Variants in KCNQ2 observed in about 807,000 individuals in gnomAD.
The protein encoded by KCNQ2 is potassium voltage-gated channel subfamily KQT member 2.
A neutral mutation model predicts 84.8 loss-of-function variants in KCNQ2; 14 were observed. That is an observed-to-expected ratio of 0.17 (90% CI 0.11 to 0.26). KCNQ2 has a LOEUF of 0.26. KCNQ2 is among the 10% of genes least tolerant of loss of function. The pLI is 1.00. For synonymous variants in KCNQ2, 599 were observed against 554.1 expected, an observed-to-expected ratio of 1.08 and a Z score of -1.14; for missense variants, 788 against 1,254.0, an observed-to-expected ratio of 0.63 and a Z score of 5.61.
chr20:63,449,564 T>G (rs2145805893), intron 1 of KCNQ2, among the ~76,000 whole-genome samples: 1 of 152,304 alleles, frequency 6.6e-6, no homozygotes, highest in African/African-American at 2.4e-5. Flanking sequence ...AGGTCAGCAT[T>G]GGCTGTGGTG....
rs79557487 is a variant in KCNQ2, at chr20:63,460,732, C to G, written c.296+11436G>C. On this transcript the variant is annotated intron_variant, in intron 1 of 16. Coordinates refer to ENST00000359125, the MANE Select transcript of KCNQ2 (RefSeq NM_172107.4). The surrounding 1 kb of genome is among the most constrained non-coding windows in gnomAD (Gnocchi z 5.4). ...CATCACCTAATCACATTCAGGCAGA[C>G]CCGGGGCCTGCAGGACAGCCCTGGA... is the stretch of plus-strand genomic sequence containing the variant. Among the ~76,000 whole-genome samples the G allele has an allele frequency of 0.038, 5,861 of 152,324 alleles. 383 individuals are homozygous for G. Among genetic ancestry groups the G allele is most frequent in the African/African-American group, 0.13 (5,443 of 41,548 alleles).
Position 63,403,639 on chromosome 20 carries a change from T to A in KCNQ2, c.*3005A>T, listed in dbSNP as rs994063988. The A allele has an allele frequency of 6.6e-6, 1 of 152,354 alleles. No homozygotes were observed. 9.4% of individuals were successfully genotyped at this position (152,354 alleles called of 1,614,324 possible). ...GTGTATGCCTGTATGCAGGCATGTG[T>A]ATGCACGTATGTGTACTGTGCATGG... is the stretch of plus-strand genomic sequence containing the variant. On this transcript the variant is annotated 3_prime_UTR_variant, in exon 17 of 17. Transcript: ENST00000359125.
At position 63,408,570 on chromosome 20, in the gene KCNQ2, G is replaced by C. The variant is rs777546017; in HGVS notation, c.1764-34C>G. On this transcript the variant is annotated intron_variant, in intron 15 of 16. Coordinates refer to ENST00000359125, the MANE Select transcript of KCNQ2 (RefSeq NM_172107.4). The surrounding 1 kb of genome is among the most constrained non-coding windows in gnomAD (Gnocchi z 5.0). ...AACAGAGACCCCAAAGCATGAGTTC[G>C]GGTGGGTGCAGCAGGGCCCCTGCCC... 3 of 1,606,684 alleles carry C rather than the reference G, an allele frequency of 1.9e-6. No homozygotes were observed. Among genetic ancestry groups the C allele is most frequent in the Non-Finnish European group, 2.5e-6 (3 of 1,178,068 alleles).
At chr20:63,442,161 G>C (rs1568931755) in intron 5 of KCNQ2, among the ~76,000 whole-genome samples, 2 of 152,166 alleles carry the variant, frequency 1.3e-5, no homozygotes, top group African/African-American at 4.8e-5. Context: ...GCTGAGCTCA[G>C]GAGGAAGGAA....
intron 15 of KCNQ2, chr20:63,410,975 G>A (rs1176422386): frequency 1.1e-5 from 5 of 455,854 alleles, no homozygotes; most frequent in Non-Finnish European, 1.8e-5. Flanking sequence ...GTCCCTGGGA[G>A]GCAAGAAGGC....
intron 9 of KCNQ2, among the ~76,000 whole-genome samples, chr20:63,429,952 A>C (rs1600719085): frequency 6.6e-6 from 1 of 152,196 alleles, no homozygotes; most frequent in Non-Finnish European, 1.5e-5. Context: ...TCCGCTGTCC[A>C]AGTCGGGATG....
At chr20:63,413,172 T>TAC (rs150283013) in intron 15 of KCNQ2, 118 of 493,530 alleles carry the variant, frequency 2.4e-4, no homozygotes, top group African/African-American at 5.1e-4. Context: ...ATGCGTGACT[T>TAC]ACACACACAC....
rs1049810851 is a variant in KCNQ2 at position 63,419,682 on chromosome 20, A to G, written c.1248-10T>C. 6.2e-7 allele frequency: 1 copy of G among 1,608,300 alleles called. No individual in the cohort carries two copies. The highest frequency in any genetic ancestry group is 1.3e-5 in the African/African-American group (1 of 74,908). On this transcript the variant is annotated splice_polypyrimidine_tract_variant and intron_variant, in intron 11 of 16. Coordinates refer to ENST00000359125, the MANE Select transcript of KCNQ2 (RefSeq NM_172107.4). ...GCACGGGCTGCCTTTACTGGAAATG[A>G]GGAGAGCACAGTTAGTCCTGGGCGC...
At chr20:63,437,707 C>T (rs528091429) in intron 7 of KCNQ2, among the ~76,000 whole-genome samples, 4 of 152,372 alleles carry the variant, frequency 2.6e-5, no homozygotes, top group Admixed American at 6.5e-5. Context: ...AGCCACATTC[C>T]GCTGGCAGGG....
intron 14 of KCNQ2, among the ~76,000 whole-genome samples, 160 bp from the exon 15 acceptor site, chr20:63,413,741 G>A (rs2080198021): frequency 6.8e-6 from 1 of 147,290 alleles, no homozygotes; most frequent in Non-Finnish European, 1.5e-5. Context: ...GGGCCTTTAT[G>A]TGGCCCTGCT....
intron 12 of KCNQ2, among the ~76,000 whole-genome samples, chr20:63,418,786 G>A (rs1008734594): frequency 6.6e-6 from 1 of 152,238 alleles, no homozygotes; most frequent in Non-Finnish European, 1.5e-5. Flanking sequence ...AAAGTCACAG[G>A]GAGAGGGTGG....
At chr20:63,458,134 G>T (rs532600428) in intron 1 of KCNQ2, among the ~76,000 whole-genome samples, 1 of 151,954 alleles carries the variant, frequency 6.6e-6, no homozygotes, top group South Asian at 2.1e-4. Context: ...CCTGGCCTGG[G>T]GTCCCCTGGA....
At chr20:63,455,287 G>A (rs759554882) in intron 1 of KCNQ2, among the ~76,000 whole-genome samples, 4 of 152,198 alleles carry the variant, frequency 2.6e-5, no homozygotes, top group Non-Finnish European at 4.4e-5. Flanking sequence ...AGGAGATAAG[G>A]CAAGTAGCTG....
At chr20:63,447,849 G>T (rs897194273) in intron 1 of KCNQ2, among the ~76,000 whole-genome samples, 1 of 152,076 alleles carries the variant, frequency 6.6e-6, no homozygotes, top group Admixed American at 6.6e-5. Context: ...CTCCCGCCTC[G>T]GCCCCCCAAA....
At position 63,442,686 on chromosome 20, in the gene KCNQ2, T is replaced by TCAC. The variant is rs1568933748; in HGVS notation, c.691-158_691-156dup. ...ATCACCACCACCACCACCACCACCA[T>TCAC]CACCATCACCACCATCACCATCACC... is the stretch of plus-strand genomic sequence containing the variant. On this transcript the variant is annotated intron_variant, in intron 4 of 16. Transcript: ENST00000359125. Among the ~76,000 whole-genome samples, 58 of 17,124 alleles carry TCAC rather than the reference T, an allele frequency of 3.4e-3. 1 individual carries two copies. Among genetic ancestry groups the TCAC allele is most frequent in the Admixed American group, 4.8e-3 (9 of 1,864 alleles). 11.2% of individuals were successfully genotyped at this position (17,124 alleles called of 152,430 possible).
rs2079951956 is a variant in KCNQ2 at position 63,406,836 on chromosome 20, C to T, written c.2427G>A (p.Gln809=). The part of the protein sequence containing the change: ...ERSFSGFSIS[Q]SKENLDALNS... The stretch of plus-strand genomic sequence containing the variant: ...TGAGAGCATCCAGGTTCTCCTTGGA[C>T]TGGGAGATGCTGAAGCCGCTGAAGG... Residue 809 remains glutamine (Q), a synonymous_variant, in exon 17 of 17, where the codon CAG becomes CAA. Transcript: ENST00000359125. The T allele has an allele frequency of 6.2e-7, 1 of 1,612,444 alleles. No individual in the cohort carries two copies. The highest frequency in any genetic ancestry group is 1.1e-5 in the South Asian group (1 of 91,012).
Position 63,407,089 on chromosome 20 carries a change from CGCGGGTGGCTCTGTG to C in KCNQ2, c.2159_2173del (p.Pro720_Pro724del), listed in dbSNP as rs1568860821. 3 of 1,533,396 alleles carry C rather than the reference CGCGGGTGGCTCTGTG, an allele frequency of 2.0e-6. No homozygotes were observed. The highest frequency in any genetic ancestry group is 4.9e-5 in the East Asian group (2 of 40,880). The allele number at this position is 1,533,396 out of a possible 1,614,324, so 95.0% of individuals were successfully genotyped here. On this transcript the variant is annotated inframe_deletion, in exon 17 of 17. Transcript: ENST00000359125. The surrounding 1 kb of genome is among the most constrained non-coding windows in gnomAD (Gnocchi z 7.2). ...CACGGGGGAGGTGCCGTGGCCCTGG[CGCGGGTGGCTCTGTG>C]GCTGCCAGGAGGTGGAGGGCGGACA...
At chr20:63,444,974 G>T in intron 3 of KCNQ2, 140 bp from the exon 4 acceptor site, 2 of 1,077,196 alleles carry the variant, frequency 1.9e-6, no homozygotes, top group Non-Finnish European at 2.6e-6. Context: ...GGCTCTGTCA[G>T]GCCCCAGGAA....
At chr20:63,417,408 C>T (rs2080329745) in intron 12 of KCNQ2, among the ~76,000 whole-genome samples, 1 of 152,250 alleles carries the variant, frequency 6.6e-6, no homozygotes, top group Non-Finnish European at 1.5e-5. Flanking sequence ...TCTGCGTTTC[C>T]ACCCGAGGCA....
Sources: gnomAD v4.1 joint callset for allele counts (sites outside exome capture counted in the v4.1 genomes callset) on GRCh38, gnomAD v4.1.1 for gene constraint, Gnocchi (gnomAD v3.1) non-coding constraint, MANE v1.5 for transcripts, NCBI Gene and HGNC (gene_info 2026-07-23, HGNC 2026-07-21) for gene names.